The following CYRIB variants were observed in gnomAD, a reference collection of about 807,000 sequenced individuals.
CYRIB encodes the protein CYFIP-related Rac1 interactor B.
In CYRIB, 8 loss-of-function variants were observed where a neutral mutation model predicts 44.2. The observed-to-expected ratio is 0.18, with a 90% confidence interval of 0.11 to 0.33. The LOEUF (loss-of-function observed/expected upper bound fraction) is 0.33, where lower values mean the gene tolerates loss of function less well. Among genes scored for constraint, CYRIB ranks in the 10% least tolerant of loss-of-function variants. The probability of loss-of-function intolerance (pLI) is 1.00; values close to 1 mark genes in which losing one functional copy is unlikely to be tolerated. For synonymous variants in CYRIB, 131 were observed against 127.2 expected (o/e 1.03, Z -0.20); for missense variants, 185 against 382.8 (o/e 0.48, Z 4.31).
intron 4 of CYRIB, among the ~76,000 whole-genome samples, chr8:129,863,784 G>A (rs576193894): frequency 7.2e-5 from 11 of 151,822 alleles, no homozygotes; most frequent in Non-Finnish European, 1.5e-4. Context: ...ATATTTTTTT[G>A]TCTTTATCTT....
At chr8:129,999,425 C>G (rs1466911468) in intron 1 of CYRIB, among the ~76,000 whole-genome samples, 1 of 152,244 alleles carries the variant, frequency 6.6e-6, no homozygotes. Flanking sequence ...GGGCTAGTGA[C>G]ACGATGCAGA....
At chr8:129,982,449 T>C (rs990753254) in intron 1 of CYRIB, among the ~76,000 whole-genome samples, 2 of 152,232 alleles carry the variant, frequency 1.3e-5, no homozygotes, top group African/African-American at 4.8e-5. Flanking sequence ...TAGTGGCTAC[T>C]CTGTTGGACA....
intron 2 of CYRIB, among the ~76,000 whole-genome samples, chr8:129,952,892 G>C (rs2094577359): frequency 6.6e-6 from 1 of 152,126 alleles, no homozygotes; most frequent in Admixed American, 6.6e-5. Flanking sequence ...CCCATTAACT[G>C]CCTCAATCCA....
intron 6 of CYRIB, among the ~76,000 whole-genome samples, chr8:129,855,150 GAC>G (rs1482927581): frequency 2.0e-5 from 3 of 152,146 alleles, no homozygotes; most frequent in Non-Finnish European, 4.4e-5. Context: ...GTTAAATGAA[GAC>G]TGCTGAGACA....
At chr8:130,010,522 GC>G (rs1379922725) in intron 1 of CYRIB, among the ~76,000 whole-genome samples, 3 of 152,138 alleles carry the variant, frequency 2.0e-5, no homozygotes, top group African/African-American at 7.2e-5. Context: ...AGCTCACACT[GC>G]CTCTCCTCCC....
At chr8:129,932,670 T>C (rs983427320) in intron 1 of CYRIB, among the ~76,000 whole-genome samples, 27 of 152,170 alleles carry the variant, frequency 1.8e-4, no homozygotes, top group Admixed American at 1.7e-3. Context: ...GGATAATTTA[T>C]TAGCTTGCAA....
At chr8:130,005,927 C>T (rs929150164) in intron 1 of CYRIB, among the ~76,000 whole-genome samples, 1 of 152,074 alleles carries the variant, frequency 6.6e-6, no homozygotes, top group South Asian at 2.1e-4. Flanking sequence ...TAGATGACAA[C>T]GGGCAGATTA....
intron 2 of CYRIB, among the ~76,000 whole-genome samples, chr8:129,884,480 G>T (rs557193735): frequency 2.6e-5 from 4 of 152,054 alleles, no homozygotes; most frequent in African/African-American, 4.8e-5. Flanking sequence ...TAGAGACAGG[G>T]TTTCTCCATC....
At chr8:129,926,486 A>C (rs781034287) in intron 1 of CYRIB, among the ~76,000 whole-genome samples, 1 of 152,172 alleles carries the variant, frequency 6.6e-6, no homozygotes, top group African/African-American at 2.4e-5. Context: ...TAAATAGTGT[A>C]ATCTACAGTC....
chr8:129,962,055 G>C (rs1283264877), intron 2 of CYRIB, among the ~76,000 whole-genome samples: 1 of 152,080 alleles, frequency 6.6e-6, no homozygotes, highest in Non-Finnish European at 1.5e-5. Context: ...TTCAAGACCA[G>C]CCTGAGCAAC....
chr8:130,000,554 G>A (rs557186017), intron 1 of CYRIB, among the ~76,000 whole-genome samples: 50 of 152,102 alleles, frequency 3.3e-4, no homozygotes, highest in Non-Finnish European at 5.4e-4. Context: ...TTAGCCAGCC[G>A]TGGTGTCTCA....
chr8:130,013,633 C>T (rs755785478), intron 1 of CYRIB, among the ~76,000 whole-genome samples: 3 of 152,188 alleles, frequency 2.0e-5, no homozygotes, highest in Non-Finnish European at 2.9e-5. Flanking sequence ...CTTCAATTAA[C>T]GAGATGGCAG....
In CYRIB at chr8:129,884,407, G is replaced by C. The variant is rs4733563; in HGVS notation, c.-10-4936C>G. Among the ~76,000 whole-genome samples, 63 of 152,148 alleles carry C rather than the reference G, an allele frequency of 4.1e-4. 1 individual carries two copies. The East Asian group carries it at 0.012, about 28-fold the overall frequency. The stretch of plus-strand genomic sequence containing the variant: ...AGGTTCAAGTGATTCTCCTGCCTCA[G>C]CCTCCTGAGTAGCTGGGATTACAGG... On this transcript the variant is annotated intron_variant, in intron 2 of 11. Transcript: ENST00000519824.
At chr8:129,960,424 G>A (rs1391555221) in intron 2 of CYRIB, among the ~76,000 whole-genome samples, 3 of 150,940 alleles carry the variant, frequency 2.0e-5, no homozygotes, top group Admixed American at 1.3e-4. Context: ...GCGAAACCCC[G>A]CCTCTACTAA....
chr8:129,888,988 G>A (rs1002674620), intron 2 of CYRIB, among the ~76,000 whole-genome samples: 7 of 152,126 alleles, frequency 4.6e-5, no homozygotes, highest in African/African-American at 1.7e-4. Context: ...AGCTACTCAG[G>A]AGGCTGAGGC....
intron 1 of CYRIB, among the ~76,000 whole-genome samples, chr8:130,016,161 G>A (rs1369568504): frequency 6.8e-6 from 1 of 146,706 alleles, no homozygotes; most frequent in African/African-American, 2.5e-5. Flanking sequence ...GGACCCCCGC[G>A]CCCGCCGGCC....
chr8:129,910,477 CTTTTTTTTTTTTTTTT>C (rs1171288097), intron 1 of CYRIB, among the ~76,000 whole-genome samples: 10 of 110,656 alleles, frequency 9.0e-5, no homozygotes, highest in Admixed American at 2.0e-4. Context: ...CCTTCTTTCA[CTTTTTTTTTTTTTTTT>C]TTTTTTTTTT....
chr8:129,946,252 C>T (rs548303575), intron 2 of CYRIB, among the ~76,000 whole-genome samples: 1 of 151,614 alleles, frequency 6.6e-6, no homozygotes, highest in African/African-American at 2.4e-5. Context: ...TATTTTGCTG[C>T]CAGCCTTCAC....
chr8:129,980,227 CAAAAAAAAAA>C (rs58630436), intron 1 of CYRIB, among the ~76,000 whole-genome samples: 1 of 91,760 alleles, frequency 1.1e-5, no homozygotes, highest in South Asian at 3.4e-4. Context: ...GACTCCATCT[CAAAAAAAAAA>C]AAAAAAAAAG....
Sources: gnomAD v4.1 joint callset for allele counts (sites outside exome capture counted in the v4.1 genomes callset) on GRCh38, gnomAD v4.1.1 for gene constraint, MANE v1.5 for transcripts, NCBI Gene and HGNC (gene_info 2026-07-23, HGNC 2026-07-21) for gene names.